CMSS1: variants seen among roughly 807,000 people sequenced by gnomAD.
CMSS1 encodes the protein cms1 ribosomal small subunit homolog.
CMSS1 carries 33 observed loss-of-function variants against 43.5 expected under a neutral mutation model. The ratio of observed to expected loss-of-function variants is 0.76; its 90% CI spans 0.57 to 1.01. The LOEUF is 1.01. Ranked by LOEUF, CMSS1 falls within the 50% of genes least tolerant of loss-of-function variation. CMSS1 has a pLI of 0.00. For missense variants in CMSS1, 313 were observed against 326.4 expected (o/e 0.96, Z 0.32); for synonymous variants, 115 against 117.2 (o/e 0.98, Z 0.12).
intron 1 of CMSS1, among the ~76,000 whole-genome samples, chr3:99,996,758 A>G (rs1297107569): frequency 1.3e-5 from 2 of 152,046 alleles, no homozygotes; most frequent in Non-Finnish European, 2.9e-5. Flanking sequence ...CGTGAGACTT[A>G]CTCACTACCA....
intron 1 of CMSS1, among the ~76,000 whole-genome samples, chr3:99,966,735 T>G (rs888031473): frequency 6.6e-6 from 1 of 152,202 alleles, no homozygotes; most frequent in South Asian, 2.1e-4. Flanking sequence ...TGTGTCAGAT[T>G]TGAAAAATCA....
At chr3:99,869,929 A>G (rs1291638170) in intron 1 of CMSS1, among the ~76,000 whole-genome samples, 1 of 152,214 alleles carries the variant, frequency 6.6e-6, no homozygotes, top group Admixed American at 6.5e-5. Flanking sequence ...TGCTTTAGAT[A>G]CAGTGATTTG....
At chr3:100,014,723 T>G (rs950060158) in intron 1 of CMSS1, among the ~76,000 whole-genome samples, 2 of 151,956 alleles carry the variant, frequency 1.3e-5, no homozygotes, top group Non-Finnish European at 2.9e-5. Flanking sequence ...CTATATGTTT[T>G]GGATATTGGA....
At chr3:100,047,411 GC>G (rs2065294763) in intron 1 of CMSS1, among the ~76,000 whole-genome samples, 2 of 152,112 alleles carry the variant, frequency 1.3e-5, no homozygotes, top group African/African-American at 4.8e-5. Context: ...TTTCTGGAAA[GC>G]TTTTATGACT....
chr3:99,944,271 G>A (rs1707939995), intron 1 of CMSS1, among the ~76,000 whole-genome samples: 2 of 152,160 alleles, frequency 1.3e-5, no homozygotes, highest in African/African-American at 4.8e-5. Context: ...ACCAGTGCTT[G>A]TTGTTTAGTA....
intron 2 of CMSS1, chr3:100,159,951 C>G (rs2067008749): frequency 6.6e-6 from 3 of 456,144 alleles, no homozygotes; most frequent in Non-Finnish European, 1.3e-5. Flanking sequence ...ATTTTCTATG[C>G]TTATTGAAAA....
chr3:99,985,294 G>A (rs1484545054), intron 1 of CMSS1, among the ~76,000 whole-genome samples: 1 of 152,108 alleles, frequency 6.6e-6, no homozygotes, highest in Non-Finnish European at 1.5e-5. Flanking sequence ...CACTTTGGTA[G>A]GCTGAGGTGG....
At chr3:100,115,588 TCTCTC>T (rs1440146225) in intron 1 of CMSS1, among the ~76,000 whole-genome samples, 3 of 48,296 alleles carry the variant, frequency 6.2e-5, no homozygotes, top group African/African-American at 2.4e-4. Context: ...TCTCTCTCTC[TCTCTC>T]TCTCTCTCTC....
rs202185655 is a variant in CMSS1 at position 100,071,040 on chromosome 3, C to CT, written c.65-75926dup. Among the ~76,000 whole-genome samples the CT allele has an allele frequency of 9.2e-3, 1,060 of 115,302 alleles. 19 individuals are homozygous for CT. Among genetic ancestry groups the CT allele is most frequent in the African/African-American group, 0.032 (973 of 30,342 alleles). 75.6% of individuals were successfully genotyped at this position (115,302 alleles called of 152,430 possible). On this transcript the variant is annotated intron_variant, in intron 1 of 9. Transcript: ENST00000421999. Reference sequence around the variant, plus strand: ...TATACAGAAAAAAATAAGCCAAGTTCTTTTTTTAAAAGAAAGGGGTTTGTT... The same window carrying CT: ...TATACAGAAAAAAATAAGCCAAGTTCTTTTTTTTAAAAGAAAGGGGTTTGTT...
At chr3:100,021,952 T>TGA (rs2064828533) in intron 1 of CMSS1, among the ~76,000 whole-genome samples, 6 of 111,458 alleles carry the variant, frequency 5.4e-5, no homozygotes, top group African/African-American at 2.0e-4. Flanking sequence ...TGTGTGTGTG[T>TGA]GTGTGTGTGA....
At chr3:100,010,778 A>ATTTTTTTTTT (rs11371196) in intron 1 of CMSS1, among the ~76,000 whole-genome samples, 3,318 of 91,730 alleles carry the variant, frequency 0.036, 1 homozygote, top group Non-Finnish European at 0.04. Context: ...CCACGCCCGG[A>ATTTTTTTTTT]TTTTTTTTTT....
rs753555396 is a variant in CMSS1, at chr3:99,850,425, A to C, written c.64+32382A>C. 22 of 1,613,796 alleles carry C rather than the reference A, an allele frequency of 1.4e-5. No homozygotes were observed. The South Asian group carries it at 2.4e-4, about 18-fold the overall frequency. Reference sequence around the variant, plus strand: ...CCATAATTCTTTTACTGAGTTTTTCAACCTCTAGTTTAAAGTCTTTACTCT... The same window carrying C: ...CCATAATTCTTTTACTGAGTTTTTCCACCTCTAGTTTAAAGTCTTTACTCT... On this transcript the variant is annotated intron_variant, in intron 1 of 9. Transcript: ENST00000421999.
intron 1 of CMSS1, among the ~76,000 whole-genome samples, chr3:99,829,366 G>A (rs573007047): frequency 6.6e-6 from 1 of 152,296 alleles, no homozygotes; most frequent in South Asian, 2.1e-4. Flanking sequence ...AATTCAATGA[G>A]AGAGTTTTCA....
intron 1 of CMSS1, among the ~76,000 whole-genome samples, chr3:100,136,161 T>C (rs1027285264): frequency 6.6e-6 from 1 of 152,224 alleles, no homozygotes; most frequent in African/African-American, 2.4e-5. Context: ...GCATTTGTTT[T>C]GTTAAATCTT....
At chr3:99,983,450 A>ATG (rs1341200561) in intron 1 of CMSS1, among the ~76,000 whole-genome samples, 864 of 9,754 alleles carry the variant, frequency 0.089, 46 homozygotes, top group African/African-American at 0.23. Context: ...ATGTATGTAT[A>ATG]TATATATATG....
At chr3:100,084,419 T>C (rs1005724254) in intron 1 of CMSS1, among the ~76,000 whole-genome samples, 4 of 152,182 alleles carry the variant, frequency 2.6e-5, no homozygotes, top group African/African-American at 9.7e-5. Flanking sequence ...TGCTTGCAAA[T>C]TCACATTTTG....
Position 100,036,170 on chromosome 3 carries a change from A to G in CMSS1, c.65-110803A>G, listed in dbSNP as rs572332196. ...TCTTCTAAGGCATGAAAAATTTCCTAGCTCTGTCAACTAAAAAGGTCTAGA... is the reference window on the plus strand; with the variant it reads ...TCTTCTAAGGCATGAAAAATTTCCTGGCTCTGTCAACTAAAAAGGTCTAGA... On this transcript the variant is annotated intron_variant, in intron 1 of 9. Coordinates refer to ENST00000421999, the MANE Select transcript of CMSS1 (RefSeq NM_032359.4). Among the ~76,000 whole-genome samples the G allele has an allele frequency of 3.2e-3, 490 of 152,304 alleles. 1 individual carries two copies. The highest frequency in any genetic ancestry group is 5.3e-3 in the Non-Finnish European group (360 of 68,026).
intron 1 of CMSS1, among the ~76,000 whole-genome samples, chr3:100,123,728 T>C (rs1212815705): frequency 6.6e-6 from 1 of 152,174 alleles, no homozygotes; most frequent in Non-Finnish European, 1.5e-5. Context: ...CTCTGCCTGA[T>C]GATTAACAGA....
At chr3:100,112,362 G>A (rs2066506315) in intron 1 of CMSS1, among the ~76,000 whole-genome samples, 1 of 152,138 alleles carries the variant, frequency 6.6e-6, no homozygotes, top group Non-Finnish European at 1.5e-5. Flanking sequence ...CCTTGGACCT[G>A]CCTGACTCTC....
Sources: gnomAD v4.1 joint callset for allele counts (sites outside exome capture counted in the v4.1 genomes callset) on GRCh38, gnomAD v4.1.1 for gene constraint, MANE v1.5 for transcripts, NCBI Gene and HGNC (gene_info 2026-07-23, HGNC 2026-07-21) for gene names.